SNX29: variants seen among roughly 807,000 people sequenced by gnomAD.
SNX29 encodes the protein sorting nexin-29.
In SNX29, 78 loss-of-function variants were observed where a neutral mutation model predicts 102.1. That is an observed-to-expected ratio of 0.76 (90% CI 0.64 to 0.92). SNX29 has a LOEUF of 0.92. Among genes scored for constraint, SNX29 ranks in the 40% least tolerant of loss-of-function variants. SNX29 has a pLI of 0.00. For missense variants in SNX29, 1,280 were observed against 1,061.7 expected, an observed-to-expected ratio of 1.21 and a Z score of -2.86; for synonymous variants, 580 against 414.5, an observed-to-expected ratio of 1.40 and a Z score of -4.85.
chr16:12,340,716 A>C (rs949741521), intron 15 of SNX29, among the ~76,000 whole-genome samples: 1 of 152,144 alleles, frequency 6.6e-6, no homozygotes, highest in African/African-American at 2.4e-5. Context: ...TCTCTCTTTC[A>C]CAACCCCGGC....
chr16:12,120,673 G>T (rs958978593), intron 11 of SNX29, among the ~76,000 whole-genome samples: 1 of 152,162 alleles, frequency 6.6e-6, no homozygotes, highest in Admixed American at 6.5e-5. Flanking sequence ...GTGTGTCTGT[G>T]TTTATGTTTG....
At chr16:12,200,983 G>T (rs761868782) in intron 14 of SNX29, among the ~76,000 whole-genome samples, 1 of 152,192 alleles carries the variant, frequency 6.6e-6, no homozygotes, top group Non-Finnish European at 1.5e-5. Flanking sequence ...GTTTTTTTGT[G>T]TGATGGAGAC....
intron 20 of SNX29, among the ~76,000 whole-genome samples, chr16:12,533,456 TC>T (rs2076985253): frequency 6.6e-6 from 1 of 152,132 alleles, no homozygotes; most frequent in Non-Finnish European, 1.5e-5. Flanking sequence ...ATGTTGCACC[TC>T]CCCACCCCCA....
chr16:12,088,193 G>C (rs1027226891), intron 11 of SNX29: 42 of 447,354 alleles, frequency 9.4e-5, no homozygotes, highest in Admixed American at 9.3e-4. Context: ...AAGCTAGAGA[G>C]AGACAGGAGA....
chr16:12,558,595 CTGCCACAGCTGCTCACACAG>C (rs1409671651), intron 20 of SNX29, among the ~76,000 whole-genome samples: 2 of 152,220 alleles, frequency 1.3e-5, no homozygotes, highest in Non-Finnish European at 2.9e-5. Context: ...CTGTCACTCT[CTGCCACAGCTGCTCACACAG>C]TGCAGGCCCC....
At chr16:12,368,172 C>T (rs1399251649) in intron 16 of SNX29, among the ~76,000 whole-genome samples, 3 of 152,150 alleles carry the variant, frequency 2.0e-5, no homozygotes, top group Non-Finnish European at 4.4e-5. Flanking sequence ...GGTCAGTTTC[C>T]CCTGGGGACC....
intron 4 of SNX29, among the ~76,000 whole-genome samples, chr16:12,034,746 C>G (rs1298948055): frequency 2.6e-5 from 4 of 152,204 alleles, no homozygotes; most frequent in Non-Finnish European, 5.9e-5. Context: ...AATTAAGACT[C>G]AGGCTTGTAA....
intron 20 of SNX29, among the ~76,000 whole-genome samples, chr16:12,545,812 C>T (rs57254313): frequency 0.012 from 1,873 of 152,234 alleles, 34 homozygotes; most frequent in African/African-American, 0.043. Flanking sequence ...GGCCTCCCTA[C>T]TGACTCTCCA....
intron 20 of SNX29, among the ~76,000 whole-genome samples, chr16:12,559,443 A>T (rs190384696): frequency 1.2e-3 from 176 of 151,582 alleles, no homozygotes; most frequent in Non-Finnish European, 8.7e-4. Context: ...AGGGCTCCCA[A>T]TGATTCTACA....
intron 20 of SNX29, among the ~76,000 whole-genome samples, chr16:12,562,844 C>CA (rs1017535662): frequency 5.9e-5 from 9 of 152,168 alleles, no homozygotes; most frequent in African/African-American, 1.9e-4. Flanking sequence ...CCCCTATAGG[C>CA]AACCCGACAG....
intron 11 of SNX29, among the ~76,000 whole-genome samples, chr16:12,125,603 CTCTTTTTTTTTTTTTTTTTTTTTTTTTT>C (rs1420062521): frequency 1.4e-5 from 1 of 71,496 alleles, no homozygotes; most frequent in African/African-American, 5.3e-5. Context: ...GCTGAGATCT[CTCTTTTTTTTTTTTTTTTTTTTTTTTTT>C]TTTTTTTTTT....
In SNX29 at chr16:12,572,123, C is replaced by T; in HGVS notation, c.*3494C>T. The T allele has an allele frequency of 9.7e-7, 1 of 1,031,368 alleles. No individual in the cohort carries two copies. The highest frequency in any genetic ancestry group is 1.2e-6 in the Non-Finnish European group (1 of 848,838). The allele number at this position is 1,031,368 out of a possible 1,614,324, so 63.9% of individuals were successfully genotyped here. On this transcript the variant is annotated 3_prime_UTR_variant, in exon 21 of 21. Transcript: ENST00000566228. Reference sequence around the variant, plus strand: ...GACTGGGTCTGATCACAGCCCTTGGCCCTGCTTCATACTTTGGAGCTTATT... The same window carrying T: ...GACTGGGTCTGATCACAGCCCTTGGTCCTGCTTCATACTTTGGAGCTTATT...
chr16:12,078,717 C>T (rs753287188), intron 10 of SNX29, 116 bp from the exon 11 acceptor site: 7 of 843,372 alleles, frequency 8.3e-6, no homozygotes, highest in African/African-American at 1.7e-5. Context: ...CAATGACTGC[C>T]TCTATCCCTT....
chr16:12,175,646 C>T (rs895354185), intron 13 of SNX29, among the ~76,000 whole-genome samples: 20 of 140,514 alleles, frequency 1.4e-4, no homozygotes, highest in African/African-American at 2.6e-4. Flanking sequence ...AGCAAGACTC[C>T]GTCTCAAAAA....
chr16:12,326,537 CA>C (rs2081125609), intron 15 of SNX29, among the ~76,000 whole-genome samples: 1 of 152,040 alleles, frequency 6.6e-6, no homozygotes, highest in African/African-American at 2.4e-5. Flanking sequence ...GTCTCACAGG[CA>C]GTCATAGGTG....
At chr16:12,560,051 G>C (rs774111097) in intron 20 of SNX29, among the ~76,000 whole-genome samples, 2 of 151,938 alleles carry the variant, frequency 1.3e-5, no homozygotes, top group African/African-American at 4.8e-5. Flanking sequence ...AAAGAAAAAT[G>C]ACTAGAAAAC....
chr16:12,471,422 C>A (rs753879373), intron 18 of SNX29, among the ~76,000 whole-genome samples: 9 of 152,222 alleles, frequency 5.9e-5, no homozygotes, highest in Admixed American at 1.3e-4. Context: ...CAAATAGAGA[C>A]TCAGGGCTTG....
At chr16:12,142,639 A>C (rs1456458619) in intron 13 of SNX29, among the ~76,000 whole-genome samples, 4 of 152,156 alleles carry the variant, frequency 2.6e-5, no homozygotes, top group Non-Finnish European at 4.4e-5. Flanking sequence ...ATCTCAGATC[A>C]CTGCAACCTC....
intron 20 of SNX29, among the ~76,000 whole-genome samples, chr16:12,531,204 C>G (rs1483854934): frequency 6.6e-6 from 1 of 152,200 alleles, no homozygotes; most frequent in Non-Finnish European, 1.5e-5. Context: ...CTGCAAGAAG[C>G]AGGGAGCCCC....
Sources: allele counts gnomAD v4.1 joint callset (sites outside exome capture counted in the v4.1 genomes callset), GRCh38; gene constraint gnomAD v4.1.1; transcripts MANE v1.5; gene names NCBI Gene and HGNC (gene_info 2026-07-23, HGNC 2026-07-21).